The following ROBO2 variants were observed in gnomAD, a reference collection of about 807,000 sequenced individuals.
ROBO2 encodes the protein roundabout guidance receptor 2, also known as roundabout homolog 2.
ROBO2 carries 53 observed loss-of-function variants against 160.8 expected under a neutral mutation model. The observed-to-expected ratio is 0.33, with a 90% CI of 0.26 to 0.41. ROBO2 has a LOEUF of 0.41. Among genes scored for constraint, ROBO2 ranks in the 10% least tolerant of loss-of-function variants. The pLI is 1.00. For synonymous variants in ROBO2, 664 were observed against 611.7 expected (o/e 1.09, Z -1.26); for missense variants, 1,577 against 1,722.4 (o/e 0.92, Z 1.49).
intron 2 of ROBO2, among the ~76,000 whole-genome samples, chr3:77,224,557 G>A (rs373516289): frequency 1.1e-4 from 16 of 151,962 alleles, no homozygotes; most frequent in East Asian, 3.9e-4. Context: ...ATTAATGATC[G>A]TTGTATTTAT....
intron 2 of ROBO2, among the ~76,000 whole-genome samples, chr3:76,619,069 G>T (rs1200936424): frequency 1.3e-5 from 2 of 150,222 alleles, no homozygotes; most frequent in Admixed American, 6.6e-5. Flanking sequence ...GGCCGGGCGC[G>T]GTGGCTCACG....
intron 2 of ROBO2, among the ~76,000 whole-genome samples, chr3:75,978,967 C>G (rs184234008): frequency 6.6e-6 from 1 of 151,376 alleles, no homozygotes; most frequent in East Asian, 2.0e-4. Context: ...GGTTAGTATT[C>G]TAAAGAATGA....
At chr3:76,361,838 C>T (rs1423730725) in intron 2 of ROBO2, among the ~76,000 whole-genome samples, 1 of 151,950 alleles carries the variant, frequency 6.6e-6, no homozygotes, top group Non-Finnish European at 1.5e-5. Flanking sequence ...TATGAAAAGG[C>T]TGACATTCTT....
chr3:76,175,474 A>T (rs1477521835), intron 2 of ROBO2, among the ~76,000 whole-genome samples: 1 of 152,130 alleles, frequency 6.6e-6, no homozygotes, highest in Non-Finnish European at 1.5e-5. Context: ...ATAGAATAAA[A>T]TTTATAACGC....
chr3:76,978,755 C>T (rs1324424386), intron 2 of ROBO2, among the ~76,000 whole-genome samples: 2 of 151,908 alleles, frequency 1.3e-5, no homozygotes, highest in African/African-American at 4.8e-5. Context: ...TGGGTTCACC[C>T]TGCTGCAGTT....
chr3:76,907,985 G>T (rs147482799), intron 2 of ROBO2, among the ~76,000 whole-genome samples: 1 of 151,918 alleles, frequency 6.6e-6, no homozygotes, highest in African/African-American at 2.4e-5. Flanking sequence ...GATTATAGGC[G>T]CCCACCACCG....
intron 3 of ROBO2, among the ~76,000 whole-genome samples, chr3:77,479,701 T>C (rs1008470976): frequency 2.6e-5 from 4 of 152,162 alleles, no homozygotes; most frequent in Non-Finnish European, 4.4e-5. Context: ...AATCATTGTT[T>C]ATGGATTGGT....
At chr3:77,144,096 A>C (rs2076937843) in intron 2 of ROBO2, among the ~76,000 whole-genome samples, 1 of 152,192 alleles carries the variant, frequency 6.6e-6, no homozygotes, top group Non-Finnish European at 1.5e-5. Flanking sequence ...CCTATCAGAA[A>C]ATGCCTTTTC....
chr3:77,165,902 CAA>C (rs1036651773), intron 2 of ROBO2, among the ~76,000 whole-genome samples: 5 of 152,132 alleles, frequency 3.3e-5, no homozygotes, highest in African/African-American at 1.2e-4. Context: ...ATAGAAATTT[CAA>C]AGAGTAAAGA....
rs578244851 is a variant in ROBO2, at chr3:77,125,789, GTTGA to G, written c.388+27452_388+27455del. On this transcript the variant is annotated intron_variant, in intron 2 of 25. Coordinates refer to ENST00000461745, the Ensembl canonical transcript of ROBO2. ...TATATATAACTTAACTGAAGTATAAGTTGATTAACAGCCAATTTTAGAGTGCAAT... is the reference window on the plus strand; with the variant it reads ...TATATATAACTTAACTGAAGTATAAGTTAACAGCCAATTTTAGAGTGCAAT... Among the ~76,000 whole-genome samples, 25 of 152,260 alleles carry G rather than the reference GTTGA, an allele frequency of 1.6e-4. No individual in the cohort carries two copies. In the East Asian group the frequency reaches 4.4e-3, roughly 27 times the overall value.
At chr3:77,433,896 T>C (rs1038617200) in intron 2 of ROBO2, among the ~76,000 whole-genome samples, 1 of 152,112 alleles carries the variant, frequency 6.6e-6, no homozygotes, top group Non-Finnish European at 1.5e-5. Context: ...CAGTCTAGTA[T>C]GTATTTTCCT....
At chr3:76,493,337 T>TATATATATATATATATATATATA in intron 2 of ROBO2, among the ~76,000 whole-genome samples, 1 of 104,814 alleles carries the variant, frequency 9.5e-6, no homozygotes, top group Middle Eastern at 4.6e-3. Context: ...AGACAAAAAA[T>TATATATATATATATATATATATA]TATATATATA....
intron 2 of ROBO2, among the ~76,000 whole-genome samples, chr3:77,211,317 C>T (rs557537261): frequency 6.6e-6 from 1 of 152,094 alleles, no homozygotes; most frequent in South Asian, 2.1e-4. Context: ...TGTGGTTTTG[C>T]TTTGCATTTC....
At chr3:76,518,031 A>C (rs1370205424) in intron 2 of ROBO2, among the ~76,000 whole-genome samples, 1 of 152,138 alleles carries the variant, frequency 6.6e-6, no homozygotes, top group East Asian at 1.9e-4. Context: ...TAGTTTCTAC[A>C]CTCTGTAAAG....
chr3:77,000,847 A>G (rs963845753), intron 2 of ROBO2, among the ~76,000 whole-genome samples: 1 of 152,228 alleles, frequency 6.6e-6, no homozygotes, highest in African/African-American at 2.4e-5. Context: ...TTAGTTTAAC[A>G]GTGTGTTCAC....
intron 2 of ROBO2, among the ~76,000 whole-genome samples, chr3:76,910,725 C>CAAAAAAAAA (rs10662303): frequency 2.3e-4 from 8 of 35,332 alleles, no homozygotes; most frequent in East Asian, 2.0e-3. Flanking sequence ...AACTCTGTCT[C>CAAAAAAAAA]AAAAAAAAAA....
chr3:76,941,772 C>T (rs1340561111), intron 2 of ROBO2, among the ~76,000 whole-genome samples: 5 of 152,146 alleles, frequency 3.3e-5, no homozygotes, highest in Admixed American at 1.3e-4. Context: ...TTCGCTAGAG[C>T]ACCAGAACTT....
At chr3:77,369,699 G>A (rs1417769631) in intron 2 of ROBO2, among the ~76,000 whole-genome samples, 1 of 152,152 alleles carries the variant, frequency 6.6e-6, no homozygotes, top group African/African-American at 2.4e-5. Context: ...GAGGATACTG[G>A]AACTTGCATT....
chr3:77,511,364 T>C (rs2089374683), intron 5 of ROBO2, among the ~76,000 whole-genome samples: 1 of 151,916 alleles, frequency 6.6e-6, no homozygotes, highest in Non-Finnish European at 1.5e-5. Flanking sequence ...AGCTGAAGTT[T>C]GGTTTCATTG....
Sources: allele counts gnomAD v4.1 joint callset (sites outside exome capture counted in the v4.1 genomes callset), GRCh38; gene constraint gnomAD v4.1.1; transcripts MANE v1.5; gene names NCBI Gene and HGNC (gene_info 2026-07-23, HGNC 2026-07-21).